Variants in SRRM4 observed in about 807,000 individuals in gnomAD.
SRRM4 encodes the protein serine/arginine repetitive matrix protein 4.
Under a neutral mutation model 68.9 loss-of-function variants are expected in SRRM4, and 33 were observed. The observed-to-expected ratio is 0.48, with a 90% confidence interval of 0.36 to 0.64. SRRM4 has a LOEUF of 0.64. Ranked by LOEUF, SRRM4 falls within the 30% of genes least tolerant of loss-of-function variation. The probability of loss-of-function intolerance (pLI) is 0.00; values close to 1 mark genes in which losing one functional copy is unlikely to be tolerated. For synonymous variants in SRRM4, 318 were observed against 318.8 expected (o/e 1.00, Z 0.03); for missense variants, 817 against 827.1 (o/e 0.99, Z 0.15).
Position 119,153,608 on chromosome 12 carries a change from G to C in SRRM4, c.1350G>C (p.Arg450Ser), listed in dbSNP as rs1442532280. 6.4e-7 allele frequency: 1 copy of C among 1,568,596 alleles called. No homozygotes were observed. Residue 450 changes from arginine (R) to serine (S), a missense_variant, in exon 11 of 13, where the codon AGG becomes AGC. By Grantham distance (110) the Arg-to-Ser change is moderately radical. Transcript: ENST00000267260. The part of the protein sequence containing the change: ...GKRSPPSRSS[R>S]SRRSPSYSRY... Reference sequence around the variant, plus strand: ...GGAGCCCGCCCAGCAGAAGCTCTAGGTCCCGCCGCAGCCCTAGCTACTCCC... The same window carrying C: ...GGAGCCCGCCCAGCAGAAGCTCTAGCTCCCGCCGCAGCCCTAGCTACTCCC...
chr12:118,987,299 G>A (rs991931852), intron 1 of SRRM4, among the ~76,000 whole-genome samples: 2 of 152,172 alleles, frequency 1.3e-5, no homozygotes, highest in African/African-American at 4.8e-5. Flanking sequence ...ATGCTCTTGT[G>A]TACTATGCCA....
At chr12:119,104,588 A>G (rs1483074929) in intron 2 of SRRM4, among the ~76,000 whole-genome samples, 1 of 152,022 alleles carries the variant, frequency 6.6e-6, no homozygotes, top group African/African-American at 2.4e-5. Context: ...TATTCCTGGA[A>G]GCAAACTTAG....
chr12:119,117,596 GCACA>G (rs71451816), intron 4 of SRRM4, among the ~76,000 whole-genome samples: 2 of 150,296 alleles, frequency 1.3e-5, no homozygotes, highest in African/African-American at 2.4e-5. Flanking sequence ...TGTTCACTGT[GCACA>G]CACACACACA....
At chr12:119,144,875 CA>C (rs568691741) in intron 8 of SRRM4, among the ~76,000 whole-genome samples, 4 of 151,732 alleles carry the variant, frequency 2.6e-5, no homozygotes, top group South Asian at 4.1e-4. Flanking sequence ...TTTTTCTTTT[CA>C]AAAAAAATTG....
chr12:119,066,428 A>C (rs927362730), intron 1 of SRRM4, among the ~76,000 whole-genome samples: 13 of 152,198 alleles, frequency 8.5e-5, no homozygotes, highest in Non-Finnish European at 1.8e-4. Context: ...AGTATGTTTT[A>C]TTTTACACTA....
intron 1 of SRRM4, among the ~76,000 whole-genome samples, chr12:119,058,961 A>G (rs1048863991): frequency 1.3e-5 from 2 of 152,160 alleles, no homozygotes; most frequent in South Asian, 4.1e-4. Flanking sequence ...GCAGAGCCAG[A>G]CAGAAAAAGT....
At chr12:119,135,825 A>G (rs899414166) in intron 8 of SRRM4, among the ~76,000 whole-genome samples, 1 of 152,192 alleles carries the variant, frequency 6.6e-6, no homozygotes, top group Non-Finnish European at 1.5e-5. Flanking sequence ...CTGACCTCAG[A>G]GTCCACATGT....
intron 1 of SRRM4, among the ~76,000 whole-genome samples, chr12:118,999,412 G>A (rs1295746516): frequency 6.6e-6 from 1 of 152,146 alleles, no homozygotes; most frequent in Non-Finnish European, 1.5e-5. Flanking sequence ...CGGCCTCAGG[G>A]AGCCCAATCT....
At chr12:119,058,089 G>A (rs1479913272) in intron 1 of SRRM4, among the ~76,000 whole-genome samples, 1 of 152,196 alleles carries the variant, frequency 6.6e-6, no homozygotes, top group Non-Finnish European at 1.5e-5. Flanking sequence ...TGCAAAGCAT[G>A]TAACTGCCTC....
At chr12:119,095,970 A>C (rs1954041690) in intron 1 of SRRM4, among the ~76,000 whole-genome samples, 1 of 151,124 alleles carries the variant, frequency 6.6e-6, no homozygotes, top group Non-Finnish European at 1.5e-5. Flanking sequence ...AAAAAAAAAA[A>C]AAAAAAAAGA....
At position 119,158,472 on chromosome 12, in the gene SRRM4, C is replaced by A. The variant is rs1359495903; in HGVS notation, c.*1674C>A. Reference sequence around the variant, plus strand: ...GGGCTAGAGACTGCCATGCAACCACCACCACGACAGCCCTTCCTCCATCAG... The same window carrying A: ...GGGCTAGAGACTGCCATGCAACCACAACCACGACAGCCCTTCCTCCATCAG... On this transcript the variant is annotated 3_prime_UTR_variant, in exon 13 of 13. Coordinates refer to ENST00000267260, the MANE Select transcript of SRRM4 (RefSeq NM_194286.4). 1 of 152,370 alleles carries A rather than the reference C, an allele frequency of 6.6e-6. No individual in the cohort carries two copies. The highest frequency in any genetic ancestry group is 1.5e-5 in the Non-Finnish European group (1 of 68,154). The allele number at this position is 152,370 out of a possible 1,614,324, so 9.4% of individuals were successfully genotyped here. A position where few individuals can be genotyped will look rare whatever the true frequency, so the allele number is the denominator to read the frequency against.
chr12:119,112,080 C>A (rs1216749154), intron 2 of SRRM4, among the ~76,000 whole-genome samples: 1 of 152,048 alleles, frequency 6.6e-6, no homozygotes, highest in Non-Finnish European at 1.5e-5. Context: ...TTGGAAGTAG[C>A]CCATCCTGTT....
rs145227705 is a variant in SRRM4 at position 119,125,372 on chromosome 12, C to G, written c.516-9C>G. ...TCTCCTCTGACTCGTTCCTTCTCAT[C>G]CCCCCAAGATCTCGAAGCCGGCCCC... On this transcript the variant is annotated splice_polypyrimidine_tract_variant and intron_variant, in intron 6 of 12. Coordinates refer to ENST00000267260, the MANE Select transcript of SRRM4 (RefSeq NM_194286.4). The G allele has an allele frequency of 0.012, 20,043 of 1,608,764 alleles. 172 individuals are homozygous for G. Among genetic ancestry groups the G allele is most frequent in the Admixed American group, 0.016 (952 of 59,652 alleles).
rs535669419 is a variant in SRRM4, at chr12:119,090,467, A to C, written c.132-11769A>C. 5.9e-5 allele frequency among the ~76,000 whole-genome samples: 9 copies of C among 152,168 alleles called. No homozygotes were observed. In the South Asian group the frequency reaches 1.9e-3, roughly 32 times the overall value. ...CTCTGGAATGTGGATTCCACCATAG[A>C]ATTGGTCTGACCTTGAGGCAAGGGG... On this transcript the variant is annotated intron_variant, in intron 1 of 12. Transcript: ENST00000267260.
At chr12:118,991,212 C>T (rs952075536) in intron 1 of SRRM4, among the ~76,000 whole-genome samples, 9 of 152,314 alleles carry the variant, frequency 5.9e-5, no homozygotes, top group Non-Finnish European at 7.3e-5. Context: ...CACCACCTCT[C>T]ACTTCCTCTG....
intron 1 of SRRM4, among the ~76,000 whole-genome samples, chr12:119,049,221 T>G (rs1168813522): frequency 6.6e-6 from 1 of 152,144 alleles, no homozygotes; most frequent in Non-Finnish European, 1.5e-5. Flanking sequence ...ATCTGGTGTT[T>G]AAGAATCTCA....
chr12:119,159,259 G>A lies in SRRM4; in HGVS notation c.*2461G>A, dbSNP rs1450111091. ...CTCCTGTCCCCCAGGAACCTCACAG[G>A]GGTATCAAAAAGATGTAAACAGCCC... is the stretch of plus-strand genomic sequence containing the variant. On this transcript the variant is annotated 3_prime_UTR_variant, in exon 13 of 13. Coordinates refer to ENST00000267260, the MANE Select transcript of SRRM4 (RefSeq NM_194286.4). 4.6e-5 allele frequency: 7 copies of A among 152,100 alleles called. No homozygotes were observed. The highest frequency in any genetic ancestry group is 1.3e-4 in the Admixed American group (2 of 15,248). 9.4% of individuals were successfully genotyped at this position (152,100 alleles called of 1,614,324 possible).
In SRRM4 at chr12:119,035,898, A is replaced by T. The variant is rs1953623925; in HGVS notation, c.131+53885A>T. ...TTATCTGCTGGCCCCTGGCTTACAG[A>T]GTGAAGTACTTGCTTCTAATAAATT... On this transcript the variant is annotated intron_variant, in intron 1 of 12. Coordinates refer to ENST00000267260, the MANE Select transcript of SRRM4 (RefSeq NM_194286.4). 2.0e-5 allele frequency among the ~76,000 whole-genome samples: 3 copies of T among 152,200 alleles called. No homozygotes were observed. In the South Asian group the frequency reaches 6.2e-4, roughly 31 times the overall value.
Position 119,157,069 on chromosome 12 carries a change from A to G in SRRM4, c.*271A>G, listed in dbSNP as rs903058327. ...GTGGCACAAAAAAAGAAGAAAGAAA[A>G]GAAAACTTCAAGGTTTTGTGAGAAG... is the stretch of plus-strand genomic sequence containing the variant. On this transcript the variant is annotated 3_prime_UTR_variant, in exon 13 of 13. Transcript: ENST00000267260. The surrounding 1 kb of genome is among the most constrained non-coding windows in gnomAD (Gnocchi z 4.1). 1 of 457,642 alleles carries G rather than the reference A, an allele frequency of 2.2e-6. No homozygotes were observed. Among genetic ancestry groups the G allele is most frequent in the Non-Finnish European group, 3.8e-6 (1 of 264,118 alleles). The allele number at this position is 457,642 out of a possible 1,614,324, so 28.3% of individuals were successfully genotyped here. A position where few individuals can be genotyped will look rare whatever the true frequency, so the allele number is the denominator to read the frequency against.
Sources: allele counts gnomAD v4.1 joint callset (sites outside exome capture counted in the v4.1 genomes callset), GRCh38; gene constraint gnomAD v4.1.1; non-coding constraint Gnocchi (gnomAD v3.1); transcripts MANE v1.5; gene names NCBI Gene and HGNC (gene_info 2026-07-23, HGNC 2026-07-21).